The following GBF1 variants were observed in gnomAD, a reference collection of about 807,000 sequenced individuals.
The protein encoded by GBF1 is golgi brefeldin A resistant guanine nucleotide exchange factor 1, also known as Golgi-specific brefeldin A-resistance guanine nucleotide exchange factor 1.
In GBF1, 114 loss-of-function variants were observed where a neutral mutation model predicts 210.5. The ratio of observed to expected loss-of-function variants is 0.54; its 90% CI spans 0.47 to 0.63. GBF1 has a LOEUF of 0.63. Among genes scored for constraint, GBF1 ranks in the 30% least tolerant of loss-of-function variants. The pLI is 0.00. For synonymous variants in GBF1, 850 were observed against 889.2 expected (o/e 0.96, Z 0.78); for missense variants, 1,851 against 2,357.7 (o/e 0.79, Z 4.45).
At chr10:102,237,805 G>A in the GBF1 span, among the ~76,000 whole-genome samples, 1 of 151,804 alleles carries the variant, frequency 6.6e-6, no homozygotes, top group African/African-American at 2.4e-5. Flanking sequence ...CAATCTTCAA[G>A]TGATATCACC....
chr10:102,235,184 C>CT, the GBF1 span, among the ~76,000 whole-genome samples: 3 of 143,126 alleles, frequency 2.1e-5, 1 homozygote, highest in Non-Finnish European at 4.6e-5. Flanking sequence ...CCCCCACCCC[C>CT]CCACCGCCTC....
At chr10:102,303,827 C>A (rs2077612319) in intron 3 of GBF1, among the ~76,000 whole-genome samples, 1 of 152,064 alleles carries the variant, frequency 6.6e-6, no homozygotes, top group Non-Finnish European at 1.5e-5. Context: ...TCAAAAATTT[C>A]CTTAGCTATT....
In GBF1 at chr10:102,375,457, C is replaced by T; in HGVS notation, c.3759C>T (p.Thr1253=). The T allele has an allele frequency of 6.2e-7, 1 of 1,612,988 alleles. No homozygotes were observed. Among genetic ancestry groups the T allele is most frequent in the Non-Finnish European group, 8.5e-7 (1 of 1,178,978 alleles). The change falls in exon 30 of 40, where the codon ACC becomes ACT. Residue 1253 remains threonine (T), a synonymous_variant. Coordinates refer to ENST00000369983, the MANE Select transcript of GBF1 (RefSeq NM_001377137.1). ...ATGGGCTCCATGAACTCCTGAAGAC[C>T]AATGCAGCCAACATCCACTCAGGTG... The part of the protein sequence containing the change: ...VAYGLHELLK[T]NAANIHSGDD...
At chr10:102,323,223 T>G (rs1408963284) in intron 3 of GBF1, among the ~76,000 whole-genome samples, 1 of 141,276 alleles carries the variant, frequency 7.1e-6, no homozygotes, top group Non-Finnish European at 1.5e-5. Context: ...ACATGGCAGT[T>G]TAGATCTCCA....
At chr10:102,231,144 C>G in the GBF1 span, 1 of 1,471,996 alleles carries the variant, frequency 6.8e-7, no homozygotes, top group Non-Finnish European at 8.9e-7. Flanking sequence ...GGGGCCGGGT[C>G]CCAGCGGCTG....
At chr10:102,372,385 C>T (rs2060261997) in intron 29 of GBF1, among the ~76,000 whole-genome samples, 1 of 146,426 alleles carries the variant, frequency 6.8e-6, no homozygotes, top group African/African-American at 2.6e-5. Context: ...CATGGTGGGG[C>T]ATGCCTGTAA....
At chr10:102,300,633 T>C (rs2077259411) in intron 3 of GBF1, among the ~76,000 whole-genome samples, 1 of 152,194 alleles carries the variant, frequency 6.6e-6, no homozygotes, top group Non-Finnish European at 1.5e-5. Context: ...ACGCCAGAAT[T>C]CAGGAAGCAG....
rs768204839 is a variant in GBF1, at chr10:102,367,178, G to C, written c.2527G>C (p.Val843Leu). ...TAATACTGACCAGCACAACCACAAT[G>C]TTCGTAAACAGAATGCACCCATGAC... ...MLNTDQHNHN[V>L]RKQNAPMTLE... The change falls in exon 20 of 40, where the codon GTT becomes CTT. Residue 843 changes from valine to leucine, a missense_variant. By Grantham distance (32) the Val-to-Leu change is conservative. Around this residue, in one of 3 missense-constraint regions of GBF1, gnomAD observed 80 missense variants for 151.4 expected, o/e 0.53. Transcript: ENST00000369983. 1.8e-5 allele frequency: 29 copies of C among 1,613,972 alleles called. No homozygotes were observed. The highest frequency in any genetic ancestry group is 2.7e-5 in the African/African-American group (2 of 74,894).
intron 3 of GBF1, among the ~76,000 whole-genome samples, chr10:102,329,602 T>A (rs1375015897): frequency 6.6e-6 from 1 of 152,126 alleles, no homozygotes. Context: ...TAGCTGGGAC[T>A]ACAGGTGCCC....
At chr10:102,262,147 C>A (rs540521990) in intron 3 of GBF1, among the ~76,000 whole-genome samples, 3 of 152,080 alleles carry the variant, frequency 2.0e-5, no homozygotes, top group African/African-American at 7.2e-5. Context: ...GGCCTCCCAA[C>A]CATATTTTCT....
intron 3 of GBF1, among the ~76,000 whole-genome samples, chr10:102,305,885 T>C (rs968594749): frequency 6.6e-6 from 1 of 152,196 alleles, no homozygotes; most frequent in Non-Finnish European, 1.5e-5. Context: ...TGAAGTACTG[T>C]TCTGGGCAGG....
At chr10:102,303,384 C>G (rs1431191744) in intron 3 of GBF1, among the ~76,000 whole-genome samples, 3 of 152,148 alleles carry the variant, frequency 2.0e-5, no homozygotes, top group African/African-American at 7.2e-5. Context: ...AGGCTATTCC[C>G]CATTGCATGG....
At chr10:102,244,375 T>C (rs1007651276), upstream of GBF1, among the ~76,000 whole-genome samples, 3 of 152,144 alleles carry the variant, frequency 2.0e-5, no homozygotes, top group South Asian at 2.1e-4. Flanking sequence ...GTGTCCCAAA[T>C]AGGCTGGGAA....
chr10:102,231,441 A>C, the GBF1 span: 1 of 630,952 alleles, frequency 1.6e-6, no homozygotes, highest in Admixed American at 2.9e-5. Flanking sequence ...GGCGGGCAAG[A>C]GACCGCGTGG....
Position 102,376,352 on chromosome 10 carries a change from G to T in GBF1, c.3967G>T (p.Val1323Phe). Residue 1323 changes from valine (V) to phenylalanine (F), a missense_variant, in exon 31 of 40, where the codon GTC (valine) becomes TTC (phenylalanine). Around this residue, in one of 3 missense-constraint regions of GBF1, gnomAD observed 967 missense variants for 1,247.7 expected, o/e 0.78. Transcript: ENST00000369983. Reference sequence around the variant, plus strand: ...TCGAGGGTACACTTCCGACTCAGAGGTCTACACTGACCATGGCAGGCCGGG... The same window carrying T: ...TCGAGGGTACACTTCCGACTCAGAGTTCTACACTGACCATGGCAGGCCGGG... ...LDRGYTSDSE[V>F]YTDHGRPGKI... 6.2e-7 allele frequency: 1 copy of T among 1,613,544 alleles called. No homozygotes were observed. The highest frequency in any genetic ancestry group is 1.1e-5 in the South Asian group (1 of 91,048).
At position 102,368,426 on chromosome 10, in the gene GBF1, A is replaced by G; in HGVS notation, c.2851A>G (p.Ile951Val). 1.9e-6 allele frequency: 3 copies of G among 1,612,296 alleles called. No individual in the cohort carries two copies. Among genetic ancestry groups the G allele is most frequent in the South Asian group, 2.2e-5 (2 of 91,044 alleles). Reference protein sequence around the residue: ...YVFDKSLEETIIQKAISGFRK... With the variant: ...YVFDKSLEETVIQKAISGFRK... The stretch of plus-strand genomic sequence containing the variant: ...CTTTGACAAAAGCCTTGAGGAGACA[A>G]TCATCCAGAAAGCCATCTCAGGCTT... The change falls in exon 22 of 40, where the codon ATC becomes GTC. Residue 951 changes from isoleucine (I) to valine (V), a missense_variant. By Grantham distance (29) the Ile-to-Val change is conservative. Around this residue, in one of 3 missense-constraint regions of GBF1, gnomAD observed 967 missense variants for 1,247.7 expected, o/e 0.78. Transcript: ENST00000369983.
At chr10:102,302,538 G>A (rs2077477338) in intron 3 of GBF1, among the ~76,000 whole-genome samples, 1 of 152,124 alleles carries the variant, frequency 6.6e-6, no homozygotes, top group South Asian at 2.1e-4. Flanking sequence ...CCTTAGGCAA[G>A]GTCCTGAGAT....
chr10:102,382,147 C>G lies in GBF1; in HGVS notation c.5394C>G (p.Pro1798=). The G allele has an allele frequency of 6.2e-7, 1 of 1,612,104 alleles. No individual in the cohort carries two copies. The highest frequency in any genetic ancestry group is 8.5e-7 in the Non-Finnish European group (1 of 1,178,662). Residue 1798 remains proline (P), a synonymous_variant, in exon 40 of 40, where the codon CCC becomes CCG. Coordinates refer to ENST00000369983, the MANE Select transcript of GBF1 (RefSeq NM_001377137.1). ...GCCCCAGCAGGCTGAGCCCCACCCC[C>G]GACGGGCCTCCACCCTTGGCTCAGC... ...ASSPSRLSPT[P]DGPPPLAQPP...
intron 3 of GBF1, among the ~76,000 whole-genome samples, chr10:102,289,461 G>C (rs1185413373): frequency 6.6e-6 from 1 of 151,938 alleles, no homozygotes; most frequent in African/African-American, 2.4e-5. Context: ...ATGGTGGCAT[G>C]CGCCTGTAAT....
Sources: allele counts gnomAD v4.1 joint callset (sites outside exome capture counted in the v4.1 genomes callset), GRCh38; gene constraint gnomAD v4.1.1; regional missense constraint gnomAD v4.1.1; transcripts MANE v1.5; gene names NCBI Gene and HGNC (gene_info 2026-07-23, HGNC 2026-07-21).